Variants in WDR5 observed in about 807,000 individuals in gnomAD.
The protein encoded by WDR5 is WD repeat domain 5.
For synonymous variants in WDR5, 144 were observed against 161.6 expected, an observed-to-expected ratio of 0.89 and a Z score of 0.83; for missense variants, 187 against 416.9, an observed-to-expected ratio of 0.45 and a Z score of 4.80.
intron 1 of WDR5, among the ~76,000 whole-genome samples, 200 bp from the exon 2 acceptor site, chr9:134,139,620 C>T (rs34417824): frequency 6.6e-5 from 10 of 151,778 alleles, no homozygotes; most frequent in African/African-American, 1.9e-4. Flanking sequence ...AAGGGGAGAG[C>T]GCAGGGGTGT....
In WDR5 at chr9:134,158,072, C is replaced by G; in HGVS notation, c.*79C>G. ...AGAAACAGGGTGTCTTGGAGGTGGT[C>G]CCCCAGATCTGCGCCTGGGGGTCAG... On this transcript the variant is annotated 3_prime_UTR_variant, in exon 14 of 14. Coordinates refer to ENST00000358625, the MANE Select transcript of WDR5 (RefSeq NM_017588.3). 7.5e-7 allele frequency: 1 copy of G among 1,334,798 alleles called. No homozygotes were observed. Among genetic ancestry groups the G allele is most frequent in the Non-Finnish European group, 1.1e-6 (1 of 932,950 alleles). The allele number at this position is 1,334,798 out of a possible 1,614,324, so 82.7% of individuals were successfully genotyped here. A position where few individuals can be genotyped will look rare whatever the true frequency, so the allele number is the denominator to read the frequency against.
Position 134,157,096 on chromosome 9 carries a change from G to GC in WDR5, c.904+505dup, listed in dbSNP as rs944804755. On this transcript the variant is annotated intron_variant, in intron 13 of 13. Coordinates refer to ENST00000358625, the MANE Select transcript of WDR5 (RefSeq NM_017588.3). This position sits in a 1 kb window ranked among gnomAD's most constrained non-coding sequence, Gnocchi z 5.0. The stretch of plus-strand genomic sequence containing the variant: ...TGGGTCCCGGCTGCCCTCTGCAGCC[G>GC]CCGCTACTTCCTCACCCTCTGGCCC... 6.6e-6 allele frequency among the ~76,000 whole-genome samples: 1 copy of GC among 152,166 alleles called. No individual in the cohort carries two copies. The highest frequency in any genetic ancestry group is 2.4e-5 in the African/African-American group (1 of 41,442).
At chr9:134,142,755 C>T (rs1431805509) in intron 7 of WDR5, 36 bp downstream of exon 7, 2 of 1,602,254 alleles carry the variant, frequency 1.2e-6, no homozygotes, top group Non-Finnish European at 1.7e-6. Flanking sequence ...TGGTGTCCAG[C>T]ACTACGTTTC....
intron 10 of WDR5, 112 bp downstream of exon 10, chr9:134,154,653 G>A (rs1832669270): frequency 4.0e-6 from 5 of 1,236,052 alleles, no homozygotes; most frequent in Non-Finnish European, 4.6e-6. Context: ...ACGGGATCCA[G>A]GCTCCTGGTG....
At chr9:134,151,428 G>A (rs1832481210) in intron 8 of WDR5, among the ~76,000 whole-genome samples, 1 of 152,212 alleles carries the variant, frequency 6.6e-6, no homozygotes, top group Non-Finnish European at 1.5e-5. Context: ...GTAGAATTGT[G>A]GGTGCTAACA....
Position 134,141,545 on chromosome 9 carries a change from G to C in WDR5, c.226G>C (p.Asp76His). 6.2e-7 allele frequency: 1 copy of C among 1,614,142 alleles called. No individual in the cohort carries two copies. Reference sequence around the variant, plus strand: ...ACTTATTAAAATTTGGGGCGCGTATGATGGGAAATTTGAGAAAACCATATC... The same window carrying C: ...ACTTATTAAAATTTGGGGCGCGTATCATGGGAAATTTGAGAAAACCATATC... ...DKLIKIWGAYDGKFEKTISGH... is the reference protein window; with the variant it reads ...DKLIKIWGAYHGKFEKTISGH... The change falls in exon 4 of 14, where the codon GAT becomes CAT. Residue 76 changes from aspartate to histidine, a missense_variant. Coordinates refer to ENST00000358625, the MANE Select transcript of WDR5 (RefSeq NM_017588.3).
rs1257976566 is a variant in WDR5, at chr9:134,139,966, C to T, written c.81+8C>T. On this transcript the variant is annotated splice_region_variant and intron_variant, in intron 2 of 13. Transcript: ENST00000358625. ...TCCGCCACTCAGAGCAAGGTGCGTG[C>T]CCAGGGGCCCCTTGGACACCTTCCG... 1.1e-5 allele frequency: 18 copies of T among 1,613,624 alleles called. No individual in the cohort carries two copies. Among genetic ancestry groups the T allele is most frequent in the Admixed American group, 1.7e-5 (1 of 60,008 alleles).
At chr9:134,156,452 A>C in intron 12 of WDR5, 54 bp from the exon 13 acceptor site, 1 of 1,554,834 alleles carries the variant, frequency 6.4e-7, no homozygotes, top group Non-Finnish European at 8.9e-7. Flanking sequence ...TTTCACATGC[A>C]TGAGCTCTGA....
At chr9:134,139,612 G>A (rs1262846544) in intron 1 of WDR5, among the ~76,000 whole-genome samples, 2 of 152,130 alleles carry the variant, frequency 1.3e-5, no homozygotes, top group African/African-American at 2.4e-5. Flanking sequence ...GATGACAAAA[G>A]GGGAGAGCGC....
intron 10 of WDR5, among the ~76,000 whole-genome samples, chr9:134,155,081 C>T (rs551478231): frequency 6.6e-6 from 1 of 152,316 alleles, no homozygotes; most frequent in South Asian, 2.1e-4. Flanking sequence ...GAGTCAGGGA[C>T]GATAACACCC....
At chr9:134,150,515 C>T (rs1236221875) in intron 8 of WDR5, among the ~76,000 whole-genome samples, 1 of 151,904 alleles carries the variant, frequency 6.6e-6, no homozygotes, top group East Asian at 1.9e-4. Context: ...GACAGGTGTG[C>T]TTGGTTCCCA....
At chr9:134,148,186 C>CTTTTTTT (rs34443303) in intron 7 of WDR5, 102 bp from the exon 8 acceptor site, 2 of 285,758 alleles carry the variant, frequency 7.0e-6, no homozygotes, top group Non-Finnish European at 1.3e-5. Context: ...ATAACTCAGT[C>CTTTTTTT]TTTTTTTTTT....
chr9:134,140,282 C>T (rs1330199907), intron 2 of WDR5, among the ~76,000 whole-genome samples: 1 of 152,174 alleles, frequency 6.6e-6, no homozygotes, highest in East Asian at 1.9e-4. Flanking sequence ...TCTGCAAGCC[C>T]TCCCGTAGAC....
intron 7 of WDR5, among the ~76,000 whole-genome samples, chr9:134,145,482 G>A (rs542167172): frequency 6.6e-6 from 1 of 152,296 alleles, no homozygotes; most frequent in East Asian, 1.9e-4. Context: ...TCTGCCAGTC[G>A]CCTCTCAGTG....
intron 10 of WDR5, 78 bp from the exon 11 acceptor site, chr9:134,155,262 G>T: frequency 6.9e-7 from 1 of 1,455,442 alleles, no homozygotes; most frequent in Non-Finnish European, 9.1e-7. Flanking sequence ...TGGCTGTGAC[G>T]TAGTGGCTGC....
In WDR5 at chr9:134,154,862, T is replaced by C. The variant is rs200394037; in HGVS notation, c.707+321T>C. On this transcript the variant is annotated intron_variant, in intron 10 of 13. Transcript: ENST00000358625. ...GGGCCTCCAAGGCCCTTTCTGGTTC[T>C]GACCTCTGAGCATCTTGATTTTACC... is the stretch of plus-strand genomic sequence containing the variant. Among the ~76,000 whole-genome samples the C allele has an allele frequency of 7.9e-5, 12 of 152,384 alleles. 1 individual carries two copies. The East Asian group carries it at 2.3e-3, about 29-fold the overall frequency.
At chr9:134,143,279 G>T (rs557657745) in intron 7 of WDR5, among the ~76,000 whole-genome samples, 1 of 152,190 alleles carries the variant, frequency 6.6e-6, no homozygotes, top group Non-Finnish European at 1.5e-5. Flanking sequence ...GGCGGCTCAC[G>T]CCTGCAATCC....
chr9:134,143,117 T>G, intron 7 of WDR5, among the ~76,000 whole-genome samples: 1 of 115,646 alleles, frequency 8.6e-6, no homozygotes, highest in Admixed American at 1.1e-4. Context: ...TGAGTGGAGT[T>G]AGCTTTGATG....
rs1247073799 is a variant in WDR5 at position 134,136,115 on chromosome 9, C to A, written c.-144C>A. 6.7e-6 allele frequency: 1 copy of A among 149,120 alleles called. No homozygotes were observed. The highest frequency in any genetic ancestry group is 2.4e-5 in the African/African-American group (1 of 41,052). The allele number at this position is 149,120 out of a possible 1,614,324, so 9.2% of individuals were successfully genotyped here. The stretch of plus-strand genomic sequence containing the variant: ...CGCCTGGCGCCCGCCCGAGCTGCCG[C>A]CTTGTCGAGCTGAGTCCGCGCTCCC... On this transcript the variant is annotated 5_prime_UTR_variant, in exon 1 of 14. Transcript: ENST00000358625.
Sources: allele counts gnomAD v4.1 joint callset (sites outside exome capture counted in the v4.1 genomes callset), GRCh38; gene constraint gnomAD v4.1.1; non-coding constraint Gnocchi (gnomAD v3.1); transcripts MANE v1.5; gene names NCBI Gene and HGNC (gene_info 2026-07-23, HGNC 2026-07-21).